Variants in MTMR3 observed in about 807,000 individuals in gnomAD.
The protein encoded by MTMR3 is phosphatidylinositol-3,5-bisphosphate 3-phosphatase MTMR3.
A neutral mutation model predicts 132.4 loss-of-function variants in MTMR3; 32 were observed. The observed-to-expected ratio is 0.24, with a 90% CI of 0.18 to 0.32. MTMR3 has a LOEUF of 0.32. Ranked by LOEUF, MTMR3 falls within the 10% of genes least tolerant of loss-of-function variation. MTMR3 has a pLI of 1.00. For missense variants in MTMR3, 1,216 were observed against 1,489.6 expected, an observed-to-expected ratio of 0.82 and a Z score of 3.02; for synonymous variants, 556 against 550.3, an observed-to-expected ratio of 1.01 and a Z score of -0.14.
intron 3 of MTMR3, among the ~76,000 whole-genome samples, chr22:29,975,551 C>T (rs1884662888): frequency 1.3e-5 from 2 of 152,140 alleles, no homozygotes; most frequent in South Asian, 2.1e-4. Context: ...TTTAAGTTTT[C>T]CCAGATAATT....
intron 8 of MTMR3, chr22:30,000,487 A>T (rs5752996): frequency 0.79 from 119,110 of 151,624 alleles, 47,198 homozygotes; most frequent in East Asian, 0.91. Context: ...AAAAAAAAAA[A>T]ATATATATAT....
At chr22:29,906,042 G>A (rs73396826) in intron 1 of MTMR3, among the ~76,000 whole-genome samples, 5,606 of 151,932 alleles carry the variant, frequency 0.037, 365 homozygotes, top group African/African-American at 0.13. Context: ...TTCTTTTGAG[G>A]TGGGGTTCTC....
chr22:29,931,253 C>A (rs73396896), intron 1 of MTMR3, among the ~76,000 whole-genome samples: 4,935 of 152,154 alleles, frequency 0.032, 279 homozygotes, highest in African/African-American at 0.11. Context: ...GTAGTTTAAT[C>A]TACCCCTTTT....
rs1444491310 is a variant in MTMR3, at chr22:30,012,377, A to C, written c.1131A>C (p.Ser377=). 1 of 1,612,628 alleles carries C rather than the reference A, an allele frequency of 6.2e-7. No homozygotes were observed. The highest frequency in any genetic ancestry group is 1.7e-5 in the Admixed American group (1 of 59,572). ...TCTCCTGTTTTTATAGTTGGCTATC[A>C]GCTCTTGAAAGCACAAAATGGCTCC... ...TQMPDPGNWL[S]ALESTKWLHH... Residue 377 remains serine, a synonymous_variant, in exon 13 of 20, where the codon TCA becomes TCC. Coordinates refer to ENST00000401950, the MANE Select transcript of MTMR3 (RefSeq NM_021090.4).
At chr22:29,908,618 A>G (rs1489378207) in intron 1 of MTMR3, among the ~76,000 whole-genome samples, 4 of 152,116 alleles carry the variant, frequency 2.6e-5, no homozygotes, top group Admixed American at 6.6e-5. Flanking sequence ...CCTTTGCGGA[A>G]ATAGCAGGAA....
intron 1 of MTMR3, among the ~76,000 whole-genome samples, chr22:29,956,492 C>T (rs1241414607): frequency 1.3e-5 from 2 of 152,150 alleles, no homozygotes; most frequent in Non-Finnish European, 2.9e-5. Context: ...AGTGATCCGC[C>T]TGCCTTGGCC....
chr22:30,024,971 T>C (rs929321010), intron 19 of MTMR3: 4 of 152,894 alleles, frequency 2.6e-5, no homozygotes, highest in African/African-American at 7.2e-5. Context: ...TGAGCCATAA[T>C]TGACTGACAC....
chr22:29,989,911 T>G (rs2066927333), intron 6 of MTMR3: 1 of 152,372 alleles, frequency 6.6e-6, no homozygotes, highest in East Asian at 1.9e-4. Context: ...TTAGCATTCA[T>G]TGATGATTTG....
intron 1 of MTMR3, among the ~76,000 whole-genome samples, chr22:29,931,518 G>A (rs1304538472): frequency 6.6e-6 from 1 of 152,154 alleles, no homozygotes; most frequent in Non-Finnish European, 1.5e-5. Context: ...GGGTTCAAGC[G>A]ATTCTTCTGC....
In MTMR3 at chr22:29,991,484, C is replaced by T; in HGVS notation, c.294-20C>T. 6.3e-7 allele frequency: 1 copy of T among 1,597,610 alleles called. No homozygotes were observed. The highest frequency in any genetic ancestry group is 8.5e-7 in the Non-Finnish European group (1 of 1,173,316). On this transcript the variant is annotated intron_variant, in intron 6 of 19. Coordinates refer to ENST00000401950, the MANE Select transcript of MTMR3 (RefSeq NM_021090.4). ...CAACTGTCTTCTGATTACATCCATA[C>T]TTGTTTGGCTTTACAAAAGGTGTCA...
rs770445184 is a variant in MTMR3 at position 30,009,107 on chromosome 22, A to T, written c.1099A>T (p.Thr367Ser). 1.9e-6 allele frequency: 3 copies of T among 1,611,502 alleles called. No homozygotes were observed. Among genetic ancestry groups the T allele is most frequent in the Admixed American group, 3.3e-5 (2 of 59,998 alleles). ...RSFQSLRLLC[T>S]QMPDPGNWLS... ...TTTTCAGTCTCTGCGGTTGCTGTGC[A>T]CTCAGATGCCAGATCCGGGAAAGTA... Residue 367 changes from threonine to serine, a missense_variant, in exon 12 of 20, where the codon ACT becomes TCT. This residue lies in a region of MTMR3 where 106 missense variants were observed against 209.5 expected (regional missense o/e 0.51). Coordinates refer to ENST00000401950, the MANE Select transcript of MTMR3 (RefSeq NM_021090.4).
intron 2 of MTMR3, among the ~76,000 whole-genome samples, chr22:29,962,690 CAG>C (rs2066334971): frequency 6.6e-6 from 1 of 152,040 alleles, no homozygotes; most frequent in Non-Finnish European, 1.5e-5. Context: ...CAAAACAAAA[CAG>C]AACTTCATAG....
chr22:30,021,016 T>G (rs2067732524), intron 17 of MTMR3, 132 bp downstream of exon 17: 1 of 917,938 alleles, frequency 1.1e-6, no homozygotes, highest in African/African-American at 1.7e-5. Flanking sequence ...GTAGCCCTGT[T>G]AAGAGAGGCT....
chr22:29,952,048 C>A (rs554798845), intron 1 of MTMR3, among the ~76,000 whole-genome samples: 2 of 152,104 alleles, frequency 1.3e-5, no homozygotes, highest in Admixed American at 6.5e-5. Context: ...GCCACCACGC[C>A]CAGCTAATTT....
At position 30,020,757 on chromosome 22, in the gene MTMR3, A is replaced by C. The variant is rs2067723656; in HGVS notation, c.3098A>C (p.Gln1033Pro). 6.2e-7 allele frequency: 1 copy of C among 1,614,112 alleles called. No homozygotes were observed. Among genetic ancestry groups the C allele is most frequent in the Non-Finnish European group, 8.5e-7 (1 of 1,180,040 alleles). ...YTDTIQQRLRQIESGHQQEVE... is the reference protein window; with the variant it reads ...YTDTIQQRLRPIESGHQQEVE... ...GACACGATCCAACAGCGCCTGCGTCAGATTGAGTCAGGCCACCAGCAGGAA... is the reference window on the plus strand; with the variant it reads ...GACACGATCCAACAGCGCCTGCGTCCGATTGAGTCAGGCCACCAGCAGGAA... Residue 1033 changes from glutamine to proline, a missense_variant, in exon 17 of 20, where the codon CAG (glutamine) becomes CCG (proline). Physicochemically the swap from Gln to Pro is moderately conservative, Grantham distance 76. Around this residue, in one of 7 missense-constraint regions of MTMR3, gnomAD observed 852 missense variants for 852.0 expected, o/e 1.00. Transcript: ENST00000401950.
At chr22:29,921,465 G>A (rs1364081008) in intron 1 of MTMR3, among the ~76,000 whole-genome samples, 3 of 152,156 alleles carry the variant, frequency 2.0e-5, no homozygotes, top group African/African-American at 4.8e-5. Context: ...ACCACGTCAA[G>A]GAGTTTCTTT....
At chr22:29,907,258 C>T (rs892760952) in intron 1 of MTMR3, among the ~76,000 whole-genome samples, 14 of 151,798 alleles carry the variant, frequency 9.2e-5, no homozygotes, top group Admixed American at 3.9e-4. Flanking sequence ...AAAAATTAGC[C>T]GGGCGTCGTC....
At chr22:29,930,703 A>T (rs1393697291) in intron 1 of MTMR3, among the ~76,000 whole-genome samples, 1 of 151,308 alleles carries the variant, frequency 6.6e-6, no homozygotes, top group African/African-American at 2.4e-5. Context: ...AAAGAGAAAA[A>T]AGAATATGAA....
chr22:29,979,956 TCTG>T (rs1332893383), intron 5 of MTMR3: 2 of 152,246 alleles, frequency 1.3e-5, no homozygotes, highest in African/African-American at 4.8e-5. Flanking sequence ...CTTCCAGTGC[TCTG>T]CTATCATTAG....
Sources: gnomAD v4.1 joint callset for allele counts (sites outside exome capture counted in the v4.1 genomes callset) on GRCh38, gnomAD v4.1.1 for gene constraint, gnomAD v4.1.1 regional missense constraint, MANE v1.5 for transcripts, NCBI Gene and HGNC (gene_info 2026-07-23, HGNC 2026-07-21) for gene names.